AKIRIN2: variants seen among roughly 807,000 people sequenced by gnomAD.
AKIRIN2 encodes akirin-2.
AKIRIN2 carries 6 observed loss-of-function variants against 29.3 expected under a neutral mutation model. That is an observed-to-expected ratio of 0.20 (90% CI 0.11 to 0.40). The LOEUF (loss-of-function observed/expected upper bound fraction) is 0.40, where lower values mean the gene tolerates loss of function less well. Ranked by LOEUF, AKIRIN2 falls within the 10% of genes least tolerant of loss-of-function variation. The pLI is 1.00. For synonymous variants in AKIRIN2, 128 were observed against 117.5 expected, an observed-to-expected ratio of 1.09 and a Z score of -0.58; for missense variants, 210 against 276.1, an observed-to-expected ratio of 0.76 and a Z score of 1.70.
intron 3 of AKIRIN2, 102 bp downstream of exon 3, chr6:87,677,716 A>G (rs1463497865): frequency 1.5e-6 from 2 of 1,360,912 alleles, no homozygotes; most frequent in Non-Finnish European, 2.0e-6. Context: ...ATTCTCAGAG[A>G]ATATACCGCA....
intron 1 of AKIRIN2, among the ~76,000 whole-genome samples, chr6:87,695,186 G>GT (rs1771338371): frequency 6.6e-6 from 1 of 152,136 alleles, no homozygotes; most frequent in Non-Finnish European, 1.5e-5. Flanking sequence ...TGTAATCCAT[G>GT]TTCTCATCAT....
intron 2 of AKIRIN2, among the ~76,000 whole-genome samples, chr6:87,678,873 C>T (rs937047394): frequency 1.3e-5 from 2 of 152,050 alleles, no homozygotes; most frequent in East Asian, 1.9e-4. Context: ...TGGTGGCTCA[C>T]GCCTGTATTA....
intron 1 of AKIRIN2, among the ~76,000 whole-genome samples, chr6:87,682,372 G>C (rs1026060006): frequency 6.6e-6 from 1 of 152,142 alleles, no homozygotes; most frequent in African/African-American, 2.4e-5. Context: ...GGTAGGGTGA[G>C]GGGGAGACCA....
chr6:87,699,643 G>C (rs1771426023), intron 1 of AKIRIN2, among the ~76,000 whole-genome samples: 1 of 152,160 alleles, frequency 6.6e-6, no homozygotes, highest in African/African-American at 2.4e-5. Context: ...TACTACAACA[G>C]TCCAATTAAT....
chr6:87,701,965 A>AATGATAC lies in AKIRIN2; in HGVS notation c.-282_-281insGTATCAT. The stretch of plus-strand genomic sequence containing the variant: ...GTCAGGGGGGTTCTTCCGCCTCCTC[A>AATGATAC]GGCGCGGCTCCCCCGAGAGAGGCTC... On this transcript the variant is annotated 5_prime_UTR_variant, in exon 1 of 5. Transcript: ENST00000257787. 1 of 398,184 alleles carries AATGATAC rather than the reference A, an allele frequency of 2.5e-6. No individual in the cohort carries two copies. Among genetic ancestry groups the AATGATAC allele is most frequent in the Non-Finnish European group, 4.4e-6 (1 of 226,060 alleles). 24.7% of individuals were successfully genotyped at this position (398,184 alleles called of 1,614,324 possible).
At chr6:87,694,980 G>A (rs1771335512) in intron 1 of AKIRIN2, among the ~76,000 whole-genome samples, 1 of 152,110 alleles carries the variant, frequency 6.6e-6, no homozygotes, top group Non-Finnish European at 1.5e-5. Flanking sequence ...GCTTAATATA[G>A]ATACAATATC....
chr6:87,675,411 G>A lies in AKIRIN2; in HGVS notation c.*186C>T. On this transcript the variant is annotated 3_prime_UTR_variant, in exon 5 of 5. Transcript: ENST00000257787. ...TACAGGTAGCAAAGGTCCACATCCA[G>A]GTGGTACTGACATCAGGGAAATTTC... 1.4e-6 allele frequency: 1 copy of A among 690,876 alleles called. No homozygotes were observed. The highest frequency in any genetic ancestry group is 2.5e-6 in the Non-Finnish European group (1 of 395,018). The allele number at this position is 690,876 out of a possible 1,614,324, so 42.8% of individuals were successfully genotyped here. A position where few individuals can be genotyped will look rare whatever the true frequency, so the allele number is the denominator to read the frequency against.
chr6:87,698,392 A>AT (rs1477303875), intron 1 of AKIRIN2, among the ~76,000 whole-genome samples: 1 of 152,092 alleles, frequency 6.6e-6, no homozygotes, highest in Admixed American at 6.6e-5. Flanking sequence ...AAAAAAAAGA[A>AT]TGAGCACAGC....
rs186182973 is a variant in AKIRIN2, at chr6:87,689,148, G to A, written c.236-7385C>T. On this transcript the variant is annotated intron_variant, in intron 1 of 4. Transcript: ENST00000257787. The stretch of plus-strand genomic sequence containing the variant: ...CTCTTTGAGGACTCCAGTACACCAC[G>A]ATCAAGCTGAAGAACAAAACAATCT... 2.2e-3 allele frequency among the ~76,000 whole-genome samples: 328 copies of A among 152,234 alleles called. 1 individual carries two copies. The highest frequency in any genetic ancestry group is 3.8e-3 in the Non-Finnish European group (260 of 68,014).
Position 87,696,863 on chromosome 6 carries a change from G to A in AKIRIN2, c.235+4587C>T, listed in dbSNP as rs529724697. ...TCTTCTAAAAATACAAAAATTAGCCGGGCGTGGTGGTGTGCGCCTGTAATC... is the reference window on the plus strand; with the variant it reads ...TCTTCTAAAAATACAAAAATTAGCCAGGCGTGGTGGTGTGCGCCTGTAATC... On this transcript the variant is annotated intron_variant, in intron 1 of 4. Coordinates refer to ENST00000257787, the MANE Select transcript of AKIRIN2 (RefSeq NM_018064.4). Among the ~76,000 whole-genome samples, 381 of 147,992 alleles carry A rather than the reference G, an allele frequency of 2.6e-3. 2 individuals are homozygous for A. The highest frequency in any genetic ancestry group is 9.1e-3 in the African/African-American group (363 of 39,874).
intron 1 of AKIRIN2, among the ~76,000 whole-genome samples, chr6:87,687,995 C>T (rs115882240): frequency 2.6e-5 from 4 of 152,072 alleles, no homozygotes; most frequent in Non-Finnish European, 4.4e-5. Flanking sequence ...TAGCCAGGTG[C>T]GGTGGCTTGC....
chr6:87,676,064 A>G, intron 3 of AKIRIN2, 133 bp from the exon 4 acceptor site: 1 of 675,342 alleles, frequency 1.5e-6, no homozygotes, highest in Non-Finnish European at 2.5e-6. Flanking sequence ...TAGTACTAAT[A>G]GTGTATCAAA....
At chr6:87,700,051 G>A (rs1771431962) in intron 1 of AKIRIN2, among the ~76,000 whole-genome samples, 1 of 150,468 alleles carries the variant, frequency 6.6e-6, no homozygotes, top group East Asian at 1.9e-4. Flanking sequence ...TTTTCCCAAA[G>A]TAAAGCCTAA....
intron 1 of AKIRIN2, among the ~76,000 whole-genome samples, chr6:87,699,359 A>T (rs1037781728): frequency 9.2e-5 from 14 of 152,340 alleles, no homozygotes; most frequent in African/African-American, 2.4e-4. Flanking sequence ...GTCATTCAAA[A>T]CTACCGTTTA....
intron 1 of AKIRIN2, among the ~76,000 whole-genome samples, chr6:87,690,790 T>C (rs978362445): frequency 6.6e-6 from 1 of 152,004 alleles, no homozygotes; most frequent in African/African-American, 2.4e-5. Context: ...CTGGCCAACA[T>C]GGTAAAACCC....
chr6:87,691,194 G>A (rs761318537), intron 1 of AKIRIN2, among the ~76,000 whole-genome samples: 2 of 151,796 alleles, frequency 1.3e-5, no homozygotes, highest in Non-Finnish European at 2.9e-5. Context: ...CTATAATCCC[G>A]GCACTCTGGA....
intron 1 of AKIRIN2, among the ~76,000 whole-genome samples, chr6:87,698,761 T>G (rs1458728571): frequency 1.3e-5 from 2 of 152,198 alleles, no homozygotes; most frequent in African/African-American, 4.8e-5. Context: ...TTTCCTAGTA[T>G]TAAGTTGCAA....
intron 3 of AKIRIN2, among the ~76,000 whole-genome samples, chr6:87,676,905 T>C (rs1264312977): frequency 1.3e-5 from 2 of 150,042 alleles, no homozygotes; most frequent in African/African-American, 4.9e-5. Context: ...TGAAACCCTG[T>C]CTCTACTAAA....
At chr6:87,686,664 C>T (rs976265195) in intron 1 of AKIRIN2, among the ~76,000 whole-genome samples, 3 of 151,814 alleles carry the variant, frequency 2.0e-5, no homozygotes, top group Admixed American at 1.3e-4. Context: ...TTTTATAGGT[C>T]AATACCATTT....
Sources: allele counts gnomAD v4.1 joint callset (sites outside exome capture counted in the v4.1 genomes callset), GRCh38; gene constraint gnomAD v4.1.1; transcripts MANE v1.5; gene names NCBI Gene and HGNC (gene_info 2026-07-23, HGNC 2026-07-21).